TULP4: variants seen among roughly 807,000 people sequenced by gnomAD.
TULP4 encodes tubby-related protein 4.
A neutral mutation model predicts 129.0 loss-of-function variants in TULP4; 16 were observed. The observed-to-expected ratio is 0.12, with a 90% CI of 0.08 to 0.19. TULP4 has a LOEUF of 0.19. Among genes scored for constraint, TULP4 ranks in the 10% least tolerant of loss-of-function variants. The pLI is 1.00. For missense variants in TULP4, 1,842 were observed against 2,059.1 expected, an observed-to-expected ratio of 0.89 and a Z score of 2.04; for synonymous variants, 998 against 854.0, an observed-to-expected ratio of 1.17 and a Z score of -2.94.
chr6:158,308,208 C>CG (rs71545125), upstream of TULP4, among the ~76,000 whole-genome samples: 32 of 35,706 alleles, frequency 9.0e-4, no homozygotes, highest in African/African-American at 2.3e-3. Context: ...TGACTCTTAA[C>CG]GAGCATGCTG....
chr6:158,298,287 A>T (rs953157989), intron 1 of TULP4, among the ~76,000 whole-genome samples: 2 of 151,026 alleles, frequency 1.3e-5, no homozygotes, highest in African/African-American at 4.9e-5. Context: ...TCCTGAGGTG[A>T]CGTACATCCT....
At chr6:158,494,989 C>T (rs1367004501) in intron 11 of TULP4, 143 bp downstream of exon 11, 2 of 617,390 alleles carry the variant, frequency 3.2e-6, no homozygotes, top group Non-Finnish European at 5.4e-6. Context: ...ACCTTAACTT[C>T]ACCACAGTGA....
Position 158,332,169 on chromosome 6 carries a change from CAAAAAAAAAAAAAAAA to C in TULP4, c.252+17918_252+17933del, listed in dbSNP as rs1169601263. ...CCTGGTCGACAGAGTAAGACTCTGTCAAAAAAAAAAAAAAAAAAAAAAAAAAAAAAAATATATATAT... is the reference window on the plus strand; with the variant it reads ...CCTGGTCGACAGAGTAAGACTCTGTCAAAAAAAAAAAAAAAATATATATAT... On this transcript the variant is annotated intron_variant, in intron 1 of 13. Coordinates refer to ENST00000367097, the MANE Select transcript of TULP4 (RefSeq NM_020245.5). Among the ~76,000 whole-genome samples, 29 of 65,288 alleles carry C rather than the reference CAAAAAAAAAAAAAAAA, an allele frequency of 4.4e-4. 2 individuals carry two copies. Among genetic ancestry groups the C allele is most frequent in the East Asian group, 1.9e-3 (5 of 2,662 alleles). 42.8% of individuals were successfully genotyped at this position (65,288 alleles called of 152,430 possible).
At chr6:158,500,048 C>G (rs1780408751) in intron 12 of TULP4, among the ~76,000 whole-genome samples, 1 of 152,158 alleles carries the variant, frequency 6.6e-6, no homozygotes, top group South Asian at 2.1e-4. Context: ...ACTTCAGAAT[C>G]TTGGAATTAG....
intron 1 of TULP4, among the ~76,000 whole-genome samples, chr6:158,354,996 TG>T (rs1175156290): frequency 1.3e-5 from 2 of 151,864 alleles, no homozygotes; most frequent in African/African-American, 4.8e-5. Context: ...GTGTACGTGG[TG>T]TGAGAAATTC....
chr6:158,438,053 A>G (rs1778790794), intron 3 of TULP4: 1 of 152,200 alleles, frequency 6.6e-6, no homozygotes, highest in Non-Finnish European at 1.5e-5. Flanking sequence ...TAGCCACCAC[A>G]CTTCAGCCTG....
chr6:158,447,378 T>C (rs977392551), intron 3 of TULP4, among the ~76,000 whole-genome samples: 7 of 152,210 alleles, frequency 4.6e-5, no homozygotes, highest in Admixed American at 4.6e-4. Flanking sequence ...CAGCATATAG[T>C]AATGAATTAA....
At position 158,456,902 on chromosome 6, in the gene TULP4, C is replaced by A. The variant is rs755453440; in HGVS notation, c.859+4634C>A. 1.2e-3 allele frequency among the ~76,000 whole-genome samples: 184 copies of A among 152,102 alleles called. 1 individual carries two copies. The highest frequency in any genetic ancestry group is 2.1e-3 in the Non-Finnish European group (144 of 68,016). ...TGGGATCTCGTTCTCTGTGCCCCGACAGTGCTATATGTAGGCAATTTACCT... is the reference window on the plus strand; with the variant it reads ...TGGGATCTCGTTCTCTGTGCCCCGAAAGTGCTATATGTAGGCAATTTACCT... On this transcript the variant is annotated intron_variant, in intron 5 of 13. Coordinates refer to ENST00000367097, the MANE Select transcript of TULP4 (RefSeq NM_020245.5).
chr6:158,331,730 T>TATATATAC (rs1375083724), intron 1 of TULP4, among the ~76,000 whole-genome samples: 3 of 24,652 alleles, frequency 1.2e-4, no homozygotes, highest in African/African-American at 3.1e-4. Flanking sequence ...CACACACACA[T>TATATATAC]ACGTATATAT....
chr6:158,492,427 C>G (rs1780237072), intron 9 of TULP4, among the ~76,000 whole-genome samples: 1 of 152,226 alleles, frequency 6.6e-6, no homozygotes, highest in African/African-American at 2.4e-5. Flanking sequence ...CTCTAGCAAT[C>G]TGATTGATGT....
chr6:158,462,747 CTTTT>C (rs56829575), intron 6 of TULP4, among the ~76,000 whole-genome samples: 20 of 127,868 alleles, frequency 1.6e-4, no homozygotes, highest in South Asian at 2.5e-4. Flanking sequence ...TTTTTTTTTC[CTTTT>C]TTTTTTTTTT....
chr6:158,294,311 C>G (rs946226716), intron 1 of TULP4, among the ~76,000 whole-genome samples: 1 of 150,690 alleles, frequency 6.6e-6, no homozygotes, highest in African/African-American at 2.4e-5. Flanking sequence ...TGCAATGAGC[C>G]GAGACCGTGC....
chr6:158,244,560 G>A (rs1188862251), intron 1 of TULP4, among the ~76,000 whole-genome samples: 2 of 152,154 alleles, frequency 1.3e-5, no homozygotes, highest in Non-Finnish European at 2.9e-5. Context: ...GACACCAGGA[G>A]GCTTGCTTTT....
At chr6:158,395,528 C>G (rs1364448373) in intron 1 of TULP4, among the ~76,000 whole-genome samples, 2 of 150,660 alleles carry the variant, frequency 1.3e-5, no homozygotes, top group African/African-American at 4.9e-5. Flanking sequence ...TTGTGGTGAG[C>G]TGAGAGCGTG....
chr6:158,430,824 C>T lies in TULP4; in HGVS notation c.543+927C>T, dbSNP rs190915083. ...TAAAACTTGTGTTTTCCATGTATAG[C>T]AGAATACATATAATGCCAGAATGTT... On this transcript the variant is annotated intron_variant, in intron 3 of 13. Transcript: ENST00000367097. Among the ~76,000 whole-genome samples the T allele has an allele frequency of 2.8e-4, 42 of 152,170 alleles. No individual in the cohort carries two copies. In the East Asian group the frequency reaches 5.2e-3, roughly 19 times the overall value.
At chr6:158,328,462 T>TC (rs1779799026) in intron 1 of TULP4, among the ~76,000 whole-genome samples, 1 of 144,944 alleles carries the variant, frequency 6.9e-6, no homozygotes. Flanking sequence ...TCCTTGTCAC[T>TC]ATCTCTGCTG....
chr6:158,328,123 T>TGCG (rs1339708564), intron 1 of TULP4, among the ~76,000 whole-genome samples: 2 of 85,084 alleles, frequency 2.4e-5, no homozygotes, highest in Non-Finnish European at 5.5e-5. Flanking sequence ...TGTGTGTGTG[T>TGCG]GTGTGCGTGC....
At position 158,313,985 on chromosome 6, in the gene TULP4, C is replaced by T. The variant is rs1407611715; in HGVS notation, c.-32C>T. 8 of 1,602,162 alleles carry T rather than the reference C, an allele frequency of 5.0e-6. No individual in the cohort carries two copies. Among genetic ancestry groups the T allele is most frequent in the Non-Finnish European group, 6.0e-6 (7 of 1,171,894 alleles). On this transcript the variant is annotated 5_prime_UTR_variant, in exon 1 of 14. Coordinates refer to ENST00000367097, the MANE Select transcript of TULP4 (RefSeq NM_020245.5). ...TTTAAATTTCACAGCATTAACATTACTTTTTAAGTAAAACAGTTCATTGAA... is the reference window on the plus strand; with the variant it reads ...TTTAAATTTCACAGCATTAACATTATTTTTTAAGTAAAACAGTTCATTGAA...
chr6:158,395,668 C>CG lies in TULP4; in HGVS notation c.253-17387dup, dbSNP rs3085239. Among the ~76,000 whole-genome samples, 559 of 83,068 alleles carry CG rather than the reference C, an allele frequency of 6.7e-3. 7 individuals carry two copies. Among genetic ancestry groups the CG allele is most frequent in the African/African-American group, 0.021 (400 of 19,482 alleles). 54.5% of individuals were successfully genotyped at this position (83,068 alleles called of 152,430 possible). A position where few individuals can be genotyped will look rare whatever the true frequency, so the allele number is the denominator to read the frequency against. On this transcript the variant is annotated intron_variant, in intron 1 of 13. Coordinates refer to ENST00000367097, the MANE Select transcript of TULP4 (RefSeq NM_020245.5). ...GCTGGCCCTGAGGTAAAGTGATGGGCGGGGGGGGGGTCATGGCAGAAGCAC... is the reference window on the plus strand; with the variant it reads ...GCTGGCCCTGAGGTAAAGTGATGGGCGGGGGGGGGGGTCATGGCAGAAGCAC...
Sources: allele counts gnomAD v4.1 joint callset (sites outside exome capture counted in the v4.1 genomes callset), GRCh38; gene constraint gnomAD v4.1.1; transcripts MANE v1.5; gene names NCBI Gene and HGNC (gene_info 2026-07-23, HGNC 2026-07-21).